Variants in PTK2 observed in about 807,000 individuals in gnomAD.
The protein encoded by PTK2 is protein tyrosine kinase 2, also known as focal adhesion kinase 1.
Under a neutral mutation model 150.1 loss-of-function variants are expected in PTK2, and 45 were observed. That is an observed-to-expected ratio of 0.30 (90% CI 0.24 to 0.38). PTK2 has a LOEUF of 0.38. PTK2 is among the 10% of genes least tolerant of loss of function. PTK2 has a pLI of 1.00. For synonymous variants in PTK2, 432 were observed against 449.2 expected (o/e 0.96, Z 0.48); for missense variants, 919 against 1,307.3 (o/e 0.70, Z 4.58).
At chr8:140,953,258 A>G (rs1248925442) in intron 1 of PTK2, among the ~76,000 whole-genome samples, 4 of 152,216 alleles carry the variant, frequency 2.6e-5, no homozygotes, top group Non-Finnish European at 5.9e-5. Context: ...TTTTTCCTAT[A>G]CATACATACC....
At chr8:140,837,583 G>C (rs766692088) in intron 7 of PTK2, among the ~76,000 whole-genome samples, 11 of 151,496 alleles carry the variant, frequency 7.3e-5, no homozygotes, top group Non-Finnish European at 1.6e-4. Context: ...AAAAAAATTA[G>C]CTGGGCGTGG....
At chr8:140,992,171 A>C (rs1291190759) in intron 1 of PTK2, among the ~76,000 whole-genome samples, 2 of 151,928 alleles carry the variant, frequency 1.3e-5, no homozygotes, top group African/African-American at 4.8e-5. Context: ...GTGCGCCTGT[A>C]ATCATAGCTA....
At chr8:140,916,606 TTTAC>T (rs1247847685) in intron 2 of PTK2, among the ~76,000 whole-genome samples, 2 of 152,224 alleles carry the variant, frequency 1.3e-5, no homozygotes, top group Admixed American at 6.5e-5. Flanking sequence ...CACTAACCAA[TTTAC>T]TTACTTACTT....
At chr8:140,890,089 A>G (rs1423622588) in intron 3 of PTK2, among the ~76,000 whole-genome samples, 1 of 152,192 alleles carries the variant, frequency 6.6e-6, no homozygotes, top group Non-Finnish European at 1.5e-5. Flanking sequence ...GACCTTTTAC[A>G]TCTTCAGAAC....
exon 22 of PTK2, chr8:140,735,319 A>C (rs1172748634): frequency 1.2e-6 from 2 of 1,614,062 alleles, no homozygotes. Context: ...ATTTCGTCAT[A>C]AGGCTGTAGA....
At chr8:140,945,918 C>G (rs2100177541) in intron 1 of PTK2, among the ~76,000 whole-genome samples, 1 of 152,174 alleles carries the variant, frequency 6.6e-6, no homozygotes, top group African/African-American at 2.4e-5. Context: ...CTCCATTCCT[C>G]CTCTGTCCTT....
chr8:140,803,617 T>C (rs1196636072), exon 11 of PTK2: 1 of 1,614,088 alleles, frequency 6.2e-7, no homozygotes, highest in South Asian at 1.1e-5. Flanking sequence ...TACTGAATGG[T>C]TTGCACTTGA....
intron 16 of PTK2, among the ~76,000 whole-genome samples, chr8:140,753,559 T>C (rs1224425278): frequency 2.0e-5 from 3 of 152,002 alleles, no homozygotes; most frequent in Admixed American, 2.0e-4. Flanking sequence ...CTCTCCAACA[T>C]GAAGAGGTCA....
At chr8:140,768,747 T>C (rs1366968434) in intron 14 of PTK2, among the ~76,000 whole-genome samples, 2 of 152,208 alleles carry the variant, frequency 1.3e-5, no homozygotes, top group Non-Finnish European at 2.9e-5. Flanking sequence ...AATTGATTAT[T>C]ATCACAGAAT....
chr8:140,964,524 G>A (rs995524750), intron 1 of PTK2, among the ~76,000 whole-genome samples: 2 of 150,900 alleles, frequency 1.3e-5, no homozygotes, highest in Non-Finnish European at 3.0e-5. Flanking sequence ...ACCACAGGTG[G>A]GCACCACCCC....
At chr8:140,927,975 A>AAAAAATAT in intron 1 of PTK2, among the ~76,000 whole-genome samples, 2 of 48,188 alleles carry the variant, frequency 4.2e-5, no homozygotes, top group African/African-American at 9.8e-5. Context: ...AAAAAAAAAA[A>AAAAAATAT]ATATATATAT....
chr8:140,784,187 C>T (rs1238616008), intron 14 of PTK2, among the ~76,000 whole-genome samples: 1 of 152,116 alleles, frequency 6.6e-6, no homozygotes, highest in Non-Finnish European at 1.5e-5. Flanking sequence ...AGTATAATTG[C>T]CCTTTAGCAT....
intron 3 of PTK2, among the ~76,000 whole-genome samples, chr8:140,885,453 T>C (rs1022322573): frequency 2.0e-5 from 3 of 152,028 alleles, no homozygotes; most frequent in Admixed American, 6.6e-5. Context: ...ACTTAAGAAG[T>C]TGGGGAAGAA....
chr8:140,790,785 C>G (rs920488699), intron 13 of PTK2, among the ~76,000 whole-genome samples: 1 of 152,178 alleles, frequency 6.6e-6, no homozygotes, highest in Non-Finnish European at 1.5e-5. Context: ...TGTTTTCTAA[C>G]AACTCATTAC....
intron 11 of PTK2, 42 bp downstream of exon 11, chr8:140,803,501 T>G: frequency 6.7e-7 from 1 of 1,500,406 alleles, no homozygotes; most frequent in South Asian, 1.1e-5. Context: ...AACATCCCTA[T>G]TTAACCATTT....
intron 22 of PTK2, among the ~76,000 whole-genome samples, chr8:140,724,667 G>A (rs2100044777): frequency 6.6e-6 from 1 of 152,190 alleles, no homozygotes; most frequent in Admixed American, 6.5e-5. Flanking sequence ...AAAAAGTCAA[G>A]CGGGAACTGG....
chr8:140,702,833 A>T, intron 24 of PTK2, 126 bp from the exon 28 acceptor site: 1 of 1,064,416 alleles, frequency 9.4e-7, no homozygotes, highest in South Asian at 1.7e-5. Flanking sequence ...CCCCAAAGAT[A>T]CCCATGTTCT....
At chr8:140,954,399 T>G (rs2100180538) in intron 1 of PTK2, among the ~76,000 whole-genome samples, 1 of 152,202 alleles carries the variant, frequency 6.6e-6, no homozygotes, top group South Asian at 2.1e-4. Context: ...CCTCTCTGTA[T>G]TTTGGTTTAT....
intron 3 of PTK2, among the ~76,000 whole-genome samples, chr8:140,886,296 T>C (rs1173053026): frequency 1.3e-5 from 2 of 152,112 alleles, no homozygotes; most frequent in Non-Finnish European, 2.9e-5. Context: ...AGGGAAGATA[T>C]AGAAATGTGT....
Sources: allele counts gnomAD v4.1 joint callset (sites outside exome capture counted in the v4.1 genomes callset), GRCh38; gene constraint gnomAD v4.1.1; transcripts MANE v1.5; gene names NCBI Gene and HGNC (gene_info 2026-07-23, HGNC 2026-07-21).